The following DIAPH2 variants were observed in gnomAD, a reference collection of about 807,000 sequenced individuals.
DIAPH2 encodes protein diaphanous homolog 2.
DIAPH2 carries 35 observed loss-of-function variants against 92.7 expected under a neutral mutation model. The observed-to-expected ratio is 0.38, with a 90% CI of 0.29 to 0.50. DIAPH2 has a LOEUF of 0.50. DIAPH2 is among the 20% of genes least tolerant of loss of function. DIAPH2 has a pLI of 0.94. For missense variants in DIAPH2, 701 were observed against 819.5 expected, an observed-to-expected ratio of 0.86 and a Z score of 1.77; for synonymous variants, 301 against 280.4, an observed-to-expected ratio of 1.07 and a Z score of -0.73.
At chrX:96,957,753 T>C (rs1161027682) in intron 15 of DIAPH2, 75 bp from the exon 16 acceptor site, 3 of 719,796 alleles carry the variant, frequency 4.2e-6, no homozygotes, top group East Asian at 7.0e-5. Flanking sequence ...ACTACAAATA[T>C]CTATTGATAT....
intron 4 of DIAPH2, among the ~76,000 whole-genome samples, chrX:96,872,395 T>A (rs2065149350): frequency 9.0e-6 from 1 of 111,675 alleles, no homozygotes; most frequent in East Asian, 2.8e-4. Flanking sequence ...TAACCTAATG[T>A]CCTTCAGTTC....
chrX:97,575,080 ATTTAT>A (rs1035353775), intron 26 of DIAPH2, among the ~76,000 whole-genome samples: 66 of 112,851 alleles, frequency 5.8e-4, no homozygotes, highest in Non-Finnish European at 6.2e-4. Context: ...TGATTTATTG[ATTTAT>A]TTTATGATTG....
intron 26 of DIAPH2, among the ~76,000 whole-genome samples, chrX:97,597,648 G>A (rs2071562523): frequency 8.9e-6 from 1 of 111,869 alleles, no homozygotes; most frequent in Non-Finnish European, 1.9e-5. Context: ...AATGCGGTGG[G>A]AACCATTGTA....
chrX:97,137,650 C>T (rs1422134156), intron 21 of DIAPH2, among the ~76,000 whole-genome samples: 1 of 110,410 alleles, frequency 9.1e-6, no homozygotes, highest in African/African-American at 3.3e-5. Flanking sequence ...GGAAGGGCGT[C>T]CACACAGAGA....
rs2066303567 is a variant in DIAPH2 at position 97,022,303 on chromosome X, G to C, written c.2051-50638G>C. ...TGCTATGTGCATTTGCATATAAGCT[G>C]CTTTCACTGTTGACAGTGTGTGGTG... On this transcript the variant is annotated intron_variant, in intron 17 of 26. Coordinates refer to ENST00000324765, the MANE Select transcript of DIAPH2 (RefSeq NM_006729.5). Among the ~76,000 whole-genome samples, 4 of 112,148 alleles carry C rather than the reference G, an allele frequency of 3.6e-5. No homozygotes were observed. The Admixed American group carries it at 3.8e-4, about 11-fold the overall frequency.
intron 24 of DIAPH2, among the ~76,000 whole-genome samples, chrX:97,379,910 C>T (rs893413683): frequency 9.0e-6 from 1 of 111,379 alleles, no homozygotes; most frequent in African/African-American, 3.3e-5. Context: ...GAATCAGTTT[C>T]ATCCATTTCT....
At chrX:96,809,898 T>G (rs984244721) in intron 4 of DIAPH2, among the ~76,000 whole-genome samples, 8 of 112,515 alleles carry the variant, frequency 7.1e-5, no homozygotes, top group African/African-American at 2.6e-4. Flanking sequence ...GTGCCACATT[T>G]TCTTAATCCA....
intron 26 of DIAPH2, among the ~76,000 whole-genome samples, chrX:97,580,370 T>C (rs1336947320): frequency 9.8e-6 from 1 of 102,276 alleles, no homozygotes; most frequent in African/African-American, 3.6e-5. Flanking sequence ...TGAGAGTTTT[T>C]AGCATGAAAG....
intron 23 of DIAPH2, among the ~76,000 whole-genome samples, chrX:97,298,862 C>T (rs1602489607): frequency 9.0e-6 from 1 of 110,849 alleles, no homozygotes; most frequent in Non-Finnish European, 1.9e-5. Flanking sequence ...TCGTGATCCG[C>T]CCGCCTCCGC....
chrX:97,274,379 G>T (rs1340837120), intron 23 of DIAPH2, among the ~76,000 whole-genome samples: 1 of 108,532 alleles, frequency 9.2e-6, no homozygotes, highest in Non-Finnish European at 1.9e-5. Flanking sequence ...ATGGTGGCAC[G>T]TGCCTGTAAT....
chrX:97,113,281 T>A (rs752806322), intron 20 of DIAPH2, among the ~76,000 whole-genome samples: 1 of 111,962 alleles, frequency 8.9e-6, no homozygotes, highest in Non-Finnish European at 1.9e-5. Context: ...AATCATGTGC[T>A]GGCTTTTTCA....
At chrX:96,704,070 A>G (rs1029602976) in intron 1 of DIAPH2, among the ~76,000 whole-genome samples, 1 of 111,679 alleles carries the variant, frequency 9.0e-6, no homozygotes, top group Non-Finnish European at 1.9e-5. Context: ...CTAGGACTAC[A>G]GGCATGTGTC....
intron 8 of DIAPH2, 27 bp downstream of exon 8, chrX:96,916,601 G>A: frequency 8.6e-7 from 1 of 1,168,168 alleles, no homozygotes; most frequent in Admixed American, 2.4e-5. Flanking sequence ...TATTATATTT[G>A]CTGCATGGAA....
chrX:97,315,858 T>C (rs1351154068), intron 23 of DIAPH2, among the ~76,000 whole-genome samples: 1 of 111,457 alleles, frequency 9.0e-6, no homozygotes, highest in Non-Finnish European at 1.9e-5. Context: ...GCCTATTGCA[T>C]TGACTGATCA....
chrX:97,130,210 A>G (rs987475889), intron 21 of DIAPH2, among the ~76,000 whole-genome samples: 2 of 112,372 alleles, frequency 1.8e-5, no homozygotes, highest in East Asian at 5.6e-4. Flanking sequence ...AGTTACTACA[A>G]AAATTAAATG....
At chrX:97,595,189 G>A (rs144318612) in intron 26 of DIAPH2, among the ~76,000 whole-genome samples, 1,815 of 112,264 alleles carry the variant, frequency 0.016, 36 homozygotes, top group African/African-American at 0.056. Context: ...GTAGATTTAG[G>A]TGTGGATCTG....
chrX:97,224,114 G>A (rs946548902), intron 22 of DIAPH2, among the ~76,000 whole-genome samples: 2 of 111,449 alleles, frequency 1.8e-5, no homozygotes, highest in Non-Finnish European at 3.8e-5. Context: ...AACATTTCAC[G>A]GTTTTTCAAT....
chrX:97,223,348 T>G (rs1237081938), intron 22 of DIAPH2, among the ~76,000 whole-genome samples: 1 of 111,546 alleles, frequency 9.0e-6, no homozygotes, highest in Admixed American at 9.6e-5. Flanking sequence ...TTCAGGCCAC[T>G]AGTAGTGTTT....
intron 3 of DIAPH2, among the ~76,000 whole-genome samples, chrX:96,751,652 G>GTTTTTTTTTTTTTTTTTTTTT (rs1219167141): frequency 1.2e-4 from 7 of 60,299 alleles, no homozygotes; most frequent in African/African-American, 4.5e-4. Context: ...TCAGTGTTTT[G>GTTTTTTTTTTTTTTTTTTTTT]TTTTTTTTTT....
Sources: allele counts gnomAD v4.1 joint callset (sites outside exome capture counted in the v4.1 genomes callset), GRCh38; gene constraint gnomAD v4.1.1; transcripts MANE v1.5; gene names NCBI Gene and HGNC (gene_info 2026-07-23, HGNC 2026-07-21).